The following RFX3 variants were observed in gnomAD, a reference collection of about 807,000 sequenced individuals.
RFX3 encodes the protein transcription factor RFX3.
In RFX3, 14 loss-of-function variants were observed where a neutral mutation model predicts 98.6. That is an observed-to-expected ratio of 0.14 (90% confidence interval 0.09 to 0.22). The LOEUF (loss-of-function observed/expected upper bound fraction) is 0.22, where lower values mean the gene tolerates loss of function less well. Ranked by LOEUF, RFX3 falls within the 10% of genes least tolerant of loss-of-function variation. The pLI is 1.00. For synonymous variants in RFX3, 383 were observed against 328.4 expected, an observed-to-expected ratio of 1.17 and a Z score of -1.80; for missense variants, 639 against 926.9, an observed-to-expected ratio of 0.69 and a Z score of 4.03.
At chr9:3,249,391 T>C (rs1272976224) in intron 14 of RFX3, among the ~76,000 whole-genome samples, 3 of 152,150 alleles carry the variant, frequency 2.0e-5, no homozygotes, top group Non-Finnish European at 4.4e-5. Context: ...AAAAACATCA[T>C]TTCCCCGAGA....
rs867442407 is a variant in RFX3, at chr9:3,247,238, T to C, written c.1968+794A>G. On this transcript the variant is annotated intron_variant, in intron 15 of 16. Coordinates refer to ENST00000617270, the MANE Select transcript of RFX3 (RefSeq NM_001282116.2). Reference sequence around the variant, plus strand: ...CTGAGCATTTGCATCTATTCCTCATTATATTAACCAGCCCTTGTTATATTC... The same window carrying C: ...CTGAGCATTTGCATCTATTCCTCATCATATTAACCAGCCCTTGTTATATTC... 6.7e-6 allele frequency: 6 copies of C among 902,062 alleles called. No homozygotes were observed. The African/African-American group carries it at 1.7e-4, about 26-fold the overall frequency. 55.9% of individuals were successfully genotyped at this position (902,062 alleles called of 1,614,324 possible). A position where few individuals can be genotyped will look rare whatever the true frequency, so the allele number is the denominator to read the frequency against.
intron 1 of RFX3, among the ~76,000 whole-genome samples, chr9:3,406,705 T>G (rs1842006994): frequency 6.6e-6 from 1 of 152,168 alleles, no homozygotes; most frequent in African/African-American, 2.4e-5. Context: ...TCTACACAAT[T>G]TTTTAAAATT....
At position 3,218,980 on chromosome 9, in the gene RFX3, T is replaced by C. The variant is rs186929648; in HGVS notation, c.*6062A>G. 1 of 152,230 alleles carries C rather than the reference T, an allele frequency of 6.6e-6. No individual in the cohort carries two copies. Among genetic ancestry groups the C allele is most frequent in the East Asian group, 1.9e-4 (1 of 5,176 alleles). The allele number at this position is 152,230 out of a possible 1,614,324, so 9.4% of individuals were successfully genotyped here. On this transcript the variant is annotated 3_prime_UTR_variant, in exon 17 of 17. Transcript: ENST00000617270. ...TAGAAGGTACGAAAGCCCTGAGTGATAGTGAAGTTACTGATTGGTAAGCAC... is the reference window on the plus strand; with the variant it reads ...TAGAAGGTACGAAAGCCCTGAGTGACAGTGAAGTTACTGATTGGTAAGCAC...
intron 1 of RFX3, among the ~76,000 whole-genome samples, chr9:3,470,353 C>T (rs557217091): frequency 1.4e-5 from 2 of 147,698 alleles, no homozygotes; most frequent in Non-Finnish European, 3.0e-5. Flanking sequence ...CTCACTCTGT[C>T]GCCCAGGCTG....
At chr9:3,317,236 T>G (rs1830723386) in intron 4 of RFX3, among the ~76,000 whole-genome samples, 1 of 152,212 alleles carries the variant, frequency 6.6e-6, no homozygotes, top group Non-Finnish European at 1.5e-5. Flanking sequence ...CCATCTGATC[T>G]TTGACAAATT....
At chr9:3,473,307 G>A (rs912235811) in intron 1 of RFX3, among the ~76,000 whole-genome samples, 2 of 152,018 alleles carry the variant, frequency 1.3e-5, no homozygotes, top group African/African-American at 4.8e-5. Flanking sequence ...ATAATAACAG[G>A]CACATATTTT....
chr9:3,359,437 C>T (rs1836158291), intron 2 of RFX3, among the ~76,000 whole-genome samples: 1 of 152,076 alleles, frequency 6.6e-6, no homozygotes, highest in Non-Finnish European at 1.5e-5. Context: ...CATAGCTATG[C>T]TCTCTTCTAC....
In RFX3 at chr9:3,349,205, G is replaced by C. The variant is rs368746519; in HGVS notation, c.118-2441C>G. On this transcript the variant is annotated intron_variant, in intron 2 of 16. Coordinates refer to ENST00000617270, the MANE Select transcript of RFX3 (RefSeq NM_001282116.2). The stretch of plus-strand genomic sequence containing the variant: ...CTTATGGTACAAATTTTGGTTACTG[G>C]AGATTTTAACATGATTACTTATTTG... 5.2e-4 allele frequency among the ~76,000 whole-genome samples: 79 copies of C among 151,756 alleles called. 4 individuals are homozygous for C. The South Asian group carries it at 0.016, about 30-fold the overall frequency.
Position 3,288,008 on chromosome 9 carries a change from T to C in RFX3, c.851+123A>G, listed in dbSNP as rs1281374491. On this transcript the variant is annotated intron_variant, in intron 7 of 16. Transcript: ENST00000617270. ...CTAAATCATATTTAAGAACTATCTGTAGTGAAAGCATGCCAACAATAAGAA... is the reference window on the plus strand; with the variant it reads ...CTAAATCATATTTAAGAACTATCTGCAGTGAAAGCATGCCAACAATAAGAA... 6 of 904,228 alleles carry C rather than the reference T, an allele frequency of 6.6e-6. No homozygotes were observed. The African/African-American group carries it at 1.0e-4, about 15-fold the overall frequency. 56.0% of individuals were successfully genotyped at this position (904,228 alleles called of 1,614,324 possible). A position where few individuals can be genotyped will look rare whatever the true frequency, so the allele number is the denominator to read the frequency against.
At chr9:3,460,685 T>C (rs1427296335) in intron 1 of RFX3, among the ~76,000 whole-genome samples, 2 of 151,956 alleles carry the variant, frequency 1.3e-5, no homozygotes, top group Non-Finnish European at 2.9e-5. Context: ...GCTAATACCT[T>C]ACCTCCCTTA....
chr9:3,324,378 C>G (rs558390994), intron 4 of RFX3, among the ~76,000 whole-genome samples: 6 of 152,060 alleles, frequency 3.9e-5, no homozygotes, highest in African/African-American at 1.4e-4. Flanking sequence ...TATTGCTTTT[C>G]TGTCTCGATG....
chr9:3,447,670 G>C (rs756052707), intron 1 of RFX3, among the ~76,000 whole-genome samples: 3 of 152,004 alleles, frequency 2.0e-5, no homozygotes, highest in Non-Finnish European at 4.4e-5. Context: ...TTCAAGATTT[G>C]GTTCCATTAA....
At chr9:3,444,036 A>G (rs1377465760) in intron 1 of RFX3, among the ~76,000 whole-genome samples, 1 of 152,198 alleles carries the variant, frequency 6.6e-6, no homozygotes, top group Non-Finnish European at 1.5e-5. Context: ...TGAAATACAT[A>G]CCTACCATAT....
chr9:3,293,235 A>G lies in RFX3; in HGVS notation c.573T>C (p.Tyr191=), dbSNP rs1341756627. The change falls in exon 6 of 17, where the codon TAT becomes TAC. Residue 191 remains tyrosine, a synonymous_variant. Coordinates refer to ENST00000617270, the MANE Select transcript of RFX3 (RefSeq NM_001282116.2). ...NSHLQWLLDN[Y]ETAEGVSLPR... ...GAAGGCTCACTCCTTCTGCTGTCTC[A>G]TAATTGTCCAACAGCCACTGGAGCT... 1 of 1,605,208 alleles carries G rather than the reference A, an allele frequency of 6.2e-7. No homozygotes were observed. The highest frequency in any genetic ancestry group is 1.1e-5 in the South Asian group (1 of 88,874).
chr9:3,383,226 G>A lies in RFX3; in HGVS notation c.117+12246C>T, dbSNP rs181168165. 2.0e-5 allele frequency among the ~76,000 whole-genome samples: 3 copies of A among 152,162 alleles called. No homozygotes were observed. In the East Asian group the frequency reaches 5.8e-4, roughly 29 times the overall value. ...AGAGTCTGAGTTTAGGTAGGGCATA[G>A]GAGGTTCAAGGATCACTTTTTTAAA... On this transcript the variant is annotated intron_variant, in intron 2 of 16. Coordinates refer to ENST00000617270, the MANE Select transcript of RFX3 (RefSeq NM_001282116.2).
intron 11 of RFX3, among the ~76,000 whole-genome samples, chr9:3,267,849 T>C (rs1823852365): frequency 6.6e-6 from 1 of 151,994 alleles, no homozygotes; most frequent in African/African-American, 2.4e-5. Flanking sequence ...TAAAATTTTG[T>C]TCAAGGTTCA....
At chr9:3,413,287 A>G (rs906613773) in intron 1 of RFX3, among the ~76,000 whole-genome samples, 2 of 152,106 alleles carry the variant, frequency 1.3e-5, no homozygotes, top group African/African-American at 4.8e-5. Flanking sequence ...AGTGCATTCA[A>G]TTTACTTGAT....
chr9:3,410,703 A>C (rs1842393316), intron 1 of RFX3, among the ~76,000 whole-genome samples: 1 of 152,204 alleles, frequency 6.6e-6, no homozygotes, highest in Non-Finnish European at 1.5e-5. Flanking sequence ...GCAGGTTTAC[A>C]AGCTTTCCAC....
intron 2 of RFX3, among the ~76,000 whole-genome samples, chr9:3,384,700 G>C (rs965649794): frequency 3.9e-5 from 6 of 152,116 alleles, no homozygotes; most frequent in African/African-American, 1.4e-4. Flanking sequence ...AACTTAAATA[G>C]CTTATAGTGC....
Sources: gnomAD v4.1 joint callset for allele counts (sites outside exome capture counted in the v4.1 genomes callset) on GRCh38, gnomAD v4.1.1 for gene constraint, MANE v1.5 for transcripts, NCBI Gene and HGNC (gene_info 2026-07-23, HGNC 2026-07-21) for gene names.